Variants in ATP8A2 observed in about 807,000 individuals in gnomAD.
The protein encoded by ATP8A2 is phospholipid-transporting ATPase IB.
ATP8A2 carries 100 observed loss-of-function variants against 165.6 expected under a neutral mutation model. The ratio of observed to expected loss-of-function variants is 0.60; its 90% CI spans 0.51 to 0.71. The LOEUF is 0.71. Ranked by LOEUF, ATP8A2 falls within the 30% of genes least tolerant of loss-of-function variation. ATP8A2 has a pLI of 0.00. For missense variants in ATP8A2, 1,227 were observed against 1,479.5 expected, an observed-to-expected ratio of 0.83 and a Z score of 2.80; for synonymous variants, 543 against 548.8, an observed-to-expected ratio of 0.99 and a Z score of 0.15.
Position 25,400,496 on chromosome 13 carries a change from G to C in ATP8A2, c.76+28208G>C, listed in dbSNP as rs375814040. Among the ~76,000 whole-genome samples the C allele has an allele frequency of 3.3e-5, 5 of 152,262 alleles. No homozygotes were observed. In the South Asian group the frequency reaches 8.3e-4, roughly 25 times the overall value. On this transcript the variant is annotated intron_variant, in intron 1 of 36. Coordinates refer to ENST00000381655, the MANE Select transcript of ATP8A2 (RefSeq NM_016529.6). ...GGGTTCTTCAACACCTTGAATGTTT[G>C]TCATTTCTATGTGTTAGTATCATTT...
chr13:25,500,662 C>G (rs186239390), intron 2 of ATP8A2, among the ~76,000 whole-genome samples: 3 of 152,042 alleles, frequency 2.0e-5, no homozygotes, highest in Non-Finnish European at 4.4e-5. Flanking sequence ...CTTGGCTTAC[C>G]CCAACCTCCA....
intron 16 of ATP8A2, among the ~76,000 whole-genome samples, chr13:25,565,524 C>G (rs1432553087): frequency 6.6e-6 from 1 of 152,156 alleles, no homozygotes; most frequent in Non-Finnish European, 1.5e-5. Flanking sequence ...ATTTGTATAT[C>G]TTCTTTTAAG....
chr13:25,859,008 GC>G (rs1952255175), intron 30 of ATP8A2, among the ~76,000 whole-genome samples: 2 of 152,126 alleles, frequency 1.3e-5, no homozygotes, highest in South Asian at 2.1e-4. Flanking sequence ...TTCGAGACCA[GC>G]CTGGTTAAGA....
At chr13:25,734,475 A>C (rs1051697483) in intron 25 of ATP8A2, among the ~76,000 whole-genome samples, 1 of 152,236 alleles carries the variant, frequency 6.6e-6, no homozygotes, top group Non-Finnish European at 1.5e-5. Flanking sequence ...TATAGTTTAC[A>C]GTGCCTTTAG....
At chr13:25,607,197 G>A (rs1280827306) in intron 24 of ATP8A2, among the ~76,000 whole-genome samples, 1 of 152,200 alleles carries the variant, frequency 6.6e-6, no homozygotes, top group Non-Finnish European at 1.5e-5. Flanking sequence ...CACAACCTGT[G>A]TTAAAATTAT....
At chr13:25,904,103 C>G (rs1953854819) in intron 33 of ATP8A2, among the ~76,000 whole-genome samples, 1 of 152,168 alleles carries the variant, frequency 6.6e-6, no homozygotes, top group Non-Finnish European at 1.5e-5. Context: ...TTGATCATCC[C>G]TGGTCTGAAA....
intron 1 of ATP8A2, among the ~76,000 whole-genome samples, chr13:25,429,390 A>AGT (rs2034541306): frequency 6.6e-6 from 1 of 150,680 alleles, no homozygotes; most frequent in African/African-American, 2.5e-5. Context: ...AAAAAAAAAA[A>AGT]AAAAAAAAAA....
intron 33 of ATP8A2, among the ~76,000 whole-genome samples, chr13:25,938,537 A>G (rs189377234): frequency 1.4e-3 from 205 of 151,624 alleles, no homozygotes; most frequent in African/African-American, 4.8e-3. Context: ...CTAAACATGC[A>G]TGTGTGTGTG....
chr13:25,728,989 T>TAA (rs2043556408), intron 25 of ATP8A2, among the ~76,000 whole-genome samples: 1 of 152,190 alleles, frequency 6.6e-6, no homozygotes, highest in African/African-American at 2.4e-5. Context: ...AATGGAGATT[T>TAA]TCCTCTTGCA....
intron 1 of ATP8A2, among the ~76,000 whole-genome samples, chr13:25,418,262 G>C (rs949166074): frequency 6.6e-6 from 1 of 150,752 alleles, no homozygotes; most frequent in African/African-American, 2.4e-5. Context: ...CATTTGCATG[G>C]AACTAGGAAA....
chr13:25,866,254 T>C (rs1279385066), intron 33 of ATP8A2, among the ~76,000 whole-genome samples: 1 of 152,166 alleles, frequency 6.6e-6, no homozygotes, highest in East Asian at 1.9e-4. Flanking sequence ...TACGTAACCA[T>C]TGGCAAATCA....
intron 25 of ATP8A2, among the ~76,000 whole-genome samples, chr13:25,764,140 A>C (rs2044442415): frequency 1.3e-5 from 2 of 152,200 alleles, no homozygotes; most frequent in Admixed American, 1.3e-4. Context: ...TTTTATAGTT[A>C]AATATTATGT....
intron 30 of ATP8A2, among the ~76,000 whole-genome samples, chr13:25,849,631 C>T (rs1384481944): frequency 6.6e-6 from 1 of 152,144 alleles, no homozygotes; most frequent in East Asian, 1.9e-4. Context: ...TGTTGGAGAG[C>T]TCATGTGGTT....
chr13:25,890,839 T>TA (rs1322487389), intron 33 of ATP8A2, among the ~76,000 whole-genome samples: 3 of 152,216 alleles, frequency 2.0e-5, no homozygotes, highest in Non-Finnish European at 4.4e-5. Flanking sequence ...AGGTATTGCT[T>TA]AAAAATGACA....
chr13:25,921,147 C>T (rs1335272507), intron 33 of ATP8A2, among the ~76,000 whole-genome samples: 1 of 152,174 alleles, frequency 6.6e-6, no homozygotes, highest in Non-Finnish European at 1.5e-5. Context: ...AGAAGCCATA[C>T]AGTCCTCTTT....
intron 25 of ATP8A2, among the ~76,000 whole-genome samples, chr13:25,737,054 G>T (rs1403500467): frequency 6.6e-6 from 1 of 152,168 alleles, no homozygotes; most frequent in Non-Finnish European, 1.5e-5. Context: ...TAGGAGGGGA[G>T]TTTTAGTGGA....
At chr13:25,828,327 G>A (rs1951372304) in intron 28 of ATP8A2, 135 bp downstream of exon 28, 1 of 762,734 alleles carries the variant, frequency 1.3e-6, no homozygotes, top group Non-Finnish European at 2.2e-6. Flanking sequence ...TACATCTTTG[G>A]GCCCTTTGTT....
chr13:25,584,314 C>G (rs546434736), intron 23 of ATP8A2, among the ~76,000 whole-genome samples: 2 of 152,304 alleles, frequency 1.3e-5, no homozygotes, highest in South Asian at 2.1e-4. Context: ...AGGTCATGCT[C>G]TAGATACAGA....
At chr13:25,732,149 T>C (rs771515099) in intron 25 of ATP8A2, among the ~76,000 whole-genome samples, 24 of 152,234 alleles carry the variant, frequency 1.6e-4, no homozygotes, top group Non-Finnish European at 3.1e-4. Flanking sequence ...CCTGCTTTAC[T>C]ACTGTGTTTA....
Sources: gnomAD v4.1 joint callset for allele counts (sites outside exome capture counted in the v4.1 genomes callset) on GRCh38, gnomAD v4.1.1 for gene constraint, MANE v1.5 for transcripts, NCBI Gene and HGNC (gene_info 2026-07-23, HGNC 2026-07-21) for gene names.